Variants in QNG1 observed in about 807,000 individuals in gnomAD.
QNG1 encodes the protein Q-nucleotide N-glycosylase 1.
chr9:83,941,086 C>G, the QNG1 span, among the ~76,000 whole-genome samples: 1 of 152,206 alleles, frequency 6.6e-6, no homozygotes. Flanking sequence ...CCGAGTAGAG[C>G]TATCAGGTAA....
At chr9:83,946,941 C>T in the QNG1 span, among the ~76,000 whole-genome samples, 3 of 151,418 alleles carry the variant, frequency 2.0e-5, no homozygotes, top group East Asian at 1.9e-4. Context: ...CGTGGTGGCA[C>T]GTGCCTGTAG....
chr9:83,956,744 G>T, the QNG1 span: 1 of 412,318 alleles, frequency 2.4e-6, no homozygotes, highest in Non-Finnish European at 4.3e-6. Flanking sequence ...AGCACTTCCG[G>T]GAAAGCGGTC....
chr9:83,938,643 C>A, the QNG1 span: 2 of 150,066 alleles, frequency 1.3e-5, no homozygotes, highest in Non-Finnish European at 1.5e-5. Flanking sequence ...AGTTCCTTCA[C>A]GATTTCCGTC....
the QNG1 span, among the ~76,000 whole-genome samples, chr9:83,948,509 G>C: frequency 7.0e-6 from 1 of 142,124 alleles, no homozygotes; most frequent in Non-Finnish European, 1.6e-5. Flanking sequence ...CGCCCTGTCC[G>C]GGAGGGGGGG....
At chr9:83,948,970 T>A in the QNG1 span, among the ~76,000 whole-genome samples, 5 of 151,600 alleles carry the variant, frequency 3.3e-5, no homozygotes, top group Non-Finnish European at 7.4e-5. Context: ...GGCCGCAGGG[T>A]CCTCTGCCTA....
chr9:83,953,597 TG>T, the QNG1 span: 1 of 494,074 alleles, frequency 2.0e-6, no homozygotes, highest in Non-Finnish European at 3.7e-6. Context: ...CTACCCGCCT[TG>T]GCCCCCCAAA....
the QNG1 span, among the ~76,000 whole-genome samples, chr9:83,943,817 C>T: frequency 2.3e-4 from 35 of 150,876 alleles, no homozygotes; most frequent in East Asian, 4.7e-3. Flanking sequence ...GTCAGGAGAT[C>T]GAGACCATCC....
At chr9:83,952,803 A>C in the QNG1 span, among the ~76,000 whole-genome samples, 1,427 of 151,122 alleles carry the variant, frequency 9.4e-3, 16 homozygotes, top group African/African-American at 0.03. Flanking sequence ...TGAAAAAAAA[A>C]AAAAAAAAAC....
At chr9:83,943,159 G>T in the QNG1 span, among the ~76,000 whole-genome samples, 7 of 151,862 alleles carry the variant, frequency 4.6e-5, no homozygotes, top group Admixed American at 4.6e-4. Context: ...GACCAGTGTG[G>T]TGAAACCCCG....
the QNG1 span, among the ~76,000 whole-genome samples, chr9:83,954,663 C>T: frequency 6.6e-6 from 1 of 151,522 alleles, no homozygotes; most frequent in South Asian, 2.1e-4. Flanking sequence ...GGGTGGATCA[C>T]GAGGTCAGGA....
At chr9:83,955,422 C>A in the QNG1 span, 1 of 1,614,180 alleles carries the variant, frequency 6.2e-7, no homozygotes, top group Non-Finnish European at 8.5e-7. Flanking sequence ...AAACTTTCAA[C>A]CACCAGGTGC....
chr9:83,952,958 T>C, the QNG1 span, among the ~76,000 whole-genome samples: 4 of 138,482 alleles, frequency 2.9e-5, no homozygotes, highest in African/African-American at 1.1e-4. Context: ...AGACTCTGTC[T>C]CAAAAAAAAA....
At chr9:83,942,508 T>G in the QNG1 span, among the ~76,000 whole-genome samples, 1 of 152,138 alleles carries the variant, frequency 6.6e-6, no homozygotes, top group East Asian at 1.9e-4. Flanking sequence ...AGAATATAAA[T>G]GTAGCAAATC....
the QNG1 span, among the ~76,000 whole-genome samples, chr9:83,945,323 C>T: frequency 2.0e-4 from 30 of 151,124 alleles, no homozygotes; most frequent in Admixed American, 1.6e-3. Flanking sequence ...ATCGCATGAG[C>T]CTGGGAGGTC....
chr9:83,954,455 G>A, the QNG1 span, among the ~76,000 whole-genome samples: 2 of 152,082 alleles, frequency 1.3e-5, no homozygotes, highest in African/African-American at 4.8e-5. Context: ...GGTGGCATGC[G>A]CCTGTAGTCC....
the QNG1 span, chr9:83,955,571 G>C: frequency 6.2e-7 from 1 of 1,614,176 alleles, no homozygotes; most frequent in South Asian, 1.1e-5. Flanking sequence ...GTCTGTGTCA[G>C]AACGAAGTAT....
chr9:83,953,878 C>G, the QNG1 span: 1 of 1,300,866 alleles, frequency 7.7e-7, no homozygotes. Context: ...AATATATATA[C>G]AGTACACTGA....
chr9:83,956,071 C>G, the QNG1 span: 2 of 1,310,250 alleles, frequency 1.5e-6, no homozygotes, highest in South Asian at 2.5e-5. Context: ...ATTATTCCAT[C>G]TCCCAACCCG....
At chr9:83,942,439 A>T in the QNG1 span, among the ~76,000 whole-genome samples, 1 of 152,174 alleles carries the variant, frequency 6.6e-6, no homozygotes, top group African/African-American at 2.4e-5. Flanking sequence ...AGTGGACAGA[A>T]ATCTAAGTGG....
Sources: allele counts gnomAD v4.1 joint callset (sites outside exome capture counted in the v4.1 genomes callset), GRCh38; gene constraint gnomAD v4.1.1; transcripts MANE v1.5; gene names NCBI Gene and HGNC (gene_info 2026-07-23, HGNC 2026-07-21).